DHX30: variants seen among roughly 807,000 people sequenced by gnomAD.
DHX30 encodes DExH-box helicase 30.
DHX30 carries 4 observed loss-of-function variants against 116.9 expected under a neutral mutation model. The observed-to-expected ratio is 0.03, with a 90% CI of 0.02 to 0.08. The LOEUF (loss-of-function observed/expected upper bound fraction) is 0.08, where lower values mean the gene tolerates loss of function less well. Among genes scored for constraint, DHX30 ranks in the 10% least tolerant of loss-of-function variants. The pLI is 1.00. For missense variants in DHX30, 871 were observed against 1,595.1 expected (o/e 0.55, Z 7.73); for synonymous variants, 697 against 651.7 (o/e 1.07, Z -1.06).
At chr3:47,845,097 G>A (rs1216246659) in intron 9 of DHX30, among the ~76,000 whole-genome samples, 1 of 152,146 alleles carries the variant, frequency 6.6e-6, no homozygotes, top group Non-Finnish European at 1.5e-5. Flanking sequence ...GGGGGCTGTA[G>A]CCACACAGTG....
intron 9 of DHX30, among the ~76,000 whole-genome samples, chr3:47,843,894 GTC>G (rs2037488295): frequency 6.6e-6 from 1 of 152,186 alleles, no homozygotes; most frequent in Non-Finnish European, 1.5e-5. Context: ...AGAGACAAGG[GTC>G]TCACTGTGTT....
At chr3:47,831,624 T>G (rs2107053236) in intron 6 of DHX30, among the ~76,000 whole-genome samples, 1 of 152,260 alleles carries the variant, frequency 6.6e-6, no homozygotes, top group East Asian at 1.9e-4. Context: ...GTGCTTGTAT[T>G]TTCTCCACTC....
intron 6 of DHX30, among the ~76,000 whole-genome samples, chr3:47,832,952 T>TTTTTTTTTTTTTG: frequency 6.7e-6 from 1 of 148,952 alleles, no homozygotes; most frequent in Admixed American, 6.7e-5. Flanking sequence ...TTTTTTTTTT[T>TTTTTTTTTTTTTG]TTTTTTTTTT....
intron 3 of DHX30, among the ~76,000 whole-genome samples, chr3:47,812,187 A>AT (rs2035825577): frequency 6.6e-6 from 1 of 150,898 alleles, no homozygotes; most frequent in Non-Finnish European, 1.5e-5. Context: ...AGATCGTGCC[A>AT]TTGCACTCCA....
At chr3:47,816,400 C>G (rs958984043) in intron 3 of DHX30, 1 of 980,486 alleles carries the variant, frequency 1.0e-6, no homozygotes, top group Non-Finnish European at 1.2e-6. Context: ...GTTCTGTGGC[C>G]AGGCTGGAGT....
chr3:47,829,308 ATATATAT>A (rs1409435053), intron 6 of DHX30, among the ~76,000 whole-genome samples, 174 bp downstream of exon 6: 5 of 28,712 alleles, frequency 1.7e-4, no homozygotes, highest in Non-Finnish European at 2.6e-4. Context: ...ATATATATAT[ATATATAT>A]TTTTTTTTTT....
chr3:47,826,960 G>A (rs1293423023), intron 4 of DHX30, among the ~76,000 whole-genome samples: 1 of 152,138 alleles, frequency 6.6e-6, no homozygotes, highest in Non-Finnish European at 1.5e-5. Flanking sequence ...GTGTGTGGTG[G>A]ATTTTTGTTT....
intron 6 of DHX30, among the ~76,000 whole-genome samples, chr3:47,840,099 C>G (rs980309367): frequency 1.3e-5 from 2 of 151,296 alleles, no homozygotes; most frequent in African/African-American, 4.9e-5. Context: ...CAGGTTCACG[C>G]CATTCTCCTG....
At chr3:47,831,456 T>G (rs918723623) in intron 6 of DHX30, among the ~76,000 whole-genome samples, 6 of 152,174 alleles carry the variant, frequency 3.9e-5, no homozygotes, top group Non-Finnish European at 7.3e-5. Flanking sequence ...ATACCCAGAC[T>G]GTAACAGTGC....
chr3:47,818,230 A>G lies in DHX30; in HGVS notation c.124+113A>G, dbSNP rs2036145631. ...CAGCCCTCCAGAAAGTGAGTGAGGA[A>G]GGGTGGGATTAGCAGAGCTATTGGA... On this transcript the variant is annotated intron_variant, in intron 4 of 21. Coordinates refer to ENST00000445061, the MANE Select transcript of DHX30 (RefSeq NM_138615.3). 7.3e-6 allele frequency: 5 copies of G among 686,362 alleles called. No individual in the cohort carries two copies. In the Admixed American group the frequency reaches 9.0e-5, roughly 12 times the overall value. 42.5% of individuals were successfully genotyped at this position (686,362 alleles called of 1,614,324 possible). A position where few individuals can be genotyped will look rare whatever the true frequency, so the allele number is the denominator to read the frequency against.
chr3:47,836,827 T>C (rs2037138808), intron 6 of DHX30, among the ~76,000 whole-genome samples: 1 of 152,222 alleles, frequency 6.6e-6, no homozygotes, highest in African/African-American at 2.4e-5. Flanking sequence ...TTTTTGTTTT[T>C]TTGATCATAG....
Position 47,847,539 on chromosome 3 carries a change from G to T in DHX30, c.2110+3G>T. The T allele has an allele frequency of 6.3e-7, 1 of 1,598,506 alleles. No individual in the cohort carries two copies. Among genetic ancestry groups the T allele is most frequent in the Non-Finnish European group, 8.5e-7 (1 of 1,172,084 alleles). ...GAGCAAGTACCTCATCCTGCCAGGTGAGAGCCCCGGCGGAGGGACCAGGGA... is the reference window on the plus strand; with the variant it reads ...GAGCAAGTACCTCATCCTGCCAGGTTAGAGCCCCGGCGGAGGGACCAGGGA... On this transcript the variant is annotated splice_donor_region_variant and intron_variant, in intron 13 of 21. Coordinates refer to ENST00000445061, the MANE Select transcript of DHX30 (RefSeq NM_138615.3). This position sits in a 1 kb window ranked among gnomAD's most constrained non-coding sequence, Gnocchi z 5.5.
chr3:47,849,421 C>T (rs1029662137), intron 19 of DHX30, 30 bp from the exon 20 acceptor site: 1 of 1,573,298 alleles, frequency 6.4e-7, no homozygotes, highest in Admixed American at 1.8e-5. Context: ...CCTTGCTCAG[C>T]CCCACCCGTC....
At chr3:47,825,075 C>A in intron 4 of DHX30, 1 of 667,842 alleles carries the variant, frequency 1.5e-6, no homozygotes, top group East Asian at 3.1e-5. Context: ...CGCTGGCCGC[C>A]GGCATCTCTC....
At chr3:47,825,148 TC>T in intron 4 of DHX30, 1 of 673,602 alleles carries the variant, frequency 1.5e-6, no homozygotes, top group South Asian at 1.5e-5. Flanking sequence ...CGGCTTCTCT[TC>T]AAGCTGCGCC....
Position 47,848,448 on chromosome 3 carries a change from C to T in DHX30, c.2494-21C>T, listed in dbSNP as rs762402919. On this transcript the variant is annotated intron_variant, in intron 15 of 21. Coordinates refer to ENST00000445061, the MANE Select transcript of DHX30 (RefSeq NM_138615.3). This position sits in a 1 kb window ranked among gnomAD's most constrained non-coding sequence, Gnocchi z 9.4. ...AGGCAGGTGGGAGGCAGGCTCATGG[C>T]GGGCTCTGGCTCTGTCATAGGCGGT... 13 of 1,613,706 alleles carry T rather than the reference C, an allele frequency of 8.1e-6. 1 individual carries two copies. The South Asian group carries it at 8.8e-5, about 11-fold the overall frequency.
At chr3:47,838,226 C>T (rs1261241119) in intron 6 of DHX30, among the ~76,000 whole-genome samples, 1 of 152,168 alleles carries the variant, frequency 6.6e-6, no homozygotes, top group Non-Finnish European at 1.5e-5. Context: ...CATCGTCTGT[C>T]CCATAATCCT....
At chr3:47,843,777 C>T (rs2037480711) in intron 9 of DHX30, among the ~76,000 whole-genome samples, 1 of 152,194 alleles carries the variant, frequency 6.6e-6, no homozygotes, top group African/African-American at 2.4e-5. Flanking sequence ...TGGCTCACTG[C>T]AGCCTCGATC....
chr3:47,833,689 C>T (rs546295641), intron 6 of DHX30, among the ~76,000 whole-genome samples: 2 of 148,668 alleles, frequency 1.3e-5, no homozygotes, highest in African/African-American at 5.0e-5. Context: ...GAAACCCTGT[C>T]GCTACTAGAA....
Sources: gnomAD v4.1 joint callset for allele counts (sites outside exome capture counted in the v4.1 genomes callset) on GRCh38, gnomAD v4.1.1 for gene constraint, Gnocchi (gnomAD v3.1) non-coding constraint, MANE v1.5 for transcripts, NCBI Gene and HGNC (gene_info 2026-07-23, HGNC 2026-07-21) for gene names.